The following RAD51B variants were observed in gnomAD, a reference collection of about 807,000 sequenced individuals.
RAD51B encodes the protein RAD51 paralog B.
In RAD51B, 38 loss-of-function variants were observed where a neutral mutation model predicts 42.2. The observed-to-expected ratio is 0.90, with a 90% CI of 0.70 to 1.18. The LOEUF (loss-of-function observed/expected upper bound fraction) is 1.18. RAD51B is among the 50% of genes most tolerant of loss of function. RAD51B has a pLI of 0.00. For missense variants in RAD51B, 373 were observed against 400.7 expected, an observed-to-expected ratio of 0.93 and a Z score of 0.59; for synonymous variants, 154 against 145.2, an observed-to-expected ratio of 1.06 and a Z score of -0.43.
At chr14:68,050,979 T>C (rs937103326) in intron 7 of RAD51B, among the ~76,000 whole-genome samples, 2 of 151,472 alleles carry the variant, frequency 1.3e-5, no homozygotes, top group African/African-American at 4.8e-5. Flanking sequence ...AAGGGAAAAA[T>C]TTGATTGGAT....
Position 67,887,210 on chromosome 14 carries a change from T to C in RAD51B, c.756+6T>C. ...CTGAGGAGTTTTCAATCCCAGTAAG[T>C]TTTTCTTTTTTTCTCTTTTTTCTTT... On this transcript the variant is annotated splice_donor_region_variant and intron_variant, in intron 7 of 10. Transcript: ENST00000471583. The C allele has an allele frequency of 6.3e-7, 1 of 1,589,018 alleles. No individual in the cohort carries two copies. The highest frequency in any genetic ancestry group is 8.6e-7 in the Non-Finnish European group (1 of 1,163,520).
chr14:68,068,603 A>G (rs1181868695), intron 7 of RAD51B, among the ~76,000 whole-genome samples: 1 of 152,178 alleles, frequency 6.6e-6, no homozygotes, highest in South Asian at 2.1e-4. Flanking sequence ...TTATATGGAC[A>G]TGTTTTCAAT....
intron 7 of RAD51B, among the ~76,000 whole-genome samples, chr14:68,087,040 C>A (rs1427754147): frequency 6.6e-6 from 1 of 151,518 alleles, no homozygotes; most frequent in African/African-American, 2.4e-5. Context: ...GAGGCTGAGG[C>A]AGGAGAACCA....
chr14:68,306,555 A>G, intron 8 of RAD51B: 1 of 471,938 alleles, frequency 2.1e-6, no homozygotes, highest in South Asian at 1.6e-5. Context: ...TGAAATTGGT[A>G]TGTGTGACCC....
chr14:68,149,804 C>A lies in RAD51B; in HGVS notation c.757-142080C>A, dbSNP rs565878956. 2.0e-5 allele frequency: 3 copies of A among 152,328 alleles called. No homozygotes were observed. In the East Asian group the frequency reaches 5.8e-4, roughly 29 times the overall value. 9.4% of individuals were successfully genotyped at this position (152,328 alleles called of 1,614,324 possible). Reference sequence around the variant, plus strand: ...TTGATGCTGAACTAAATGTGGACATCCAATTGGCATAGCACACAACAGCCC... The same window carrying A: ...TTGATGCTGAACTAAATGTGGACATACAATTGGCATAGCACACAACAGCCC... On this transcript the variant is annotated intron_variant, in intron 7 of 10. Coordinates refer to ENST00000471583, the MANE Select transcript of RAD51B (RefSeq NM_133510.4).
At chr14:68,490,612 C>G (rs1390036308) in intron 10 of RAD51B, among the ~76,000 whole-genome samples, 1 of 152,216 alleles carries the variant, frequency 6.6e-6, no homozygotes, top group African/African-American at 2.4e-5. Context: ...ATGAAAGCAA[C>G]TAAACTTTGC....
At chr14:68,602,698 C>T (rs867344876) in intron 10 of RAD51B, among the ~76,000 whole-genome samples, 11 of 152,150 alleles carry the variant, frequency 7.2e-5, no homozygotes, top group Non-Finnish European at 1.0e-4. Flanking sequence ...ACCCACGTTG[C>T]GGAAGGTAAT....
chr14:67,835,579 T>TATATGTAATATATACACATATGTC (rs2041213694), intron 4 of RAD51B, among the ~76,000 whole-genome samples: 1 of 75,268 alleles, frequency 1.3e-5, no homozygotes, highest in African/African-American at 4.7e-5. Flanking sequence ...ACATATGTCA[T>TATATGTAATATATACACATATGTC]ATATGTAATA....
intron 8 of RAD51B, among the ~76,000 whole-genome samples, chr14:68,384,953 T>C (rs2083561243): frequency 6.6e-6 from 1 of 152,170 alleles, no homozygotes; most frequent in African/African-American, 2.4e-5. Context: ...CATGACCTTC[T>C]GGGATGAACG....
intron 7 of RAD51B, among the ~76,000 whole-genome samples, chr14:68,220,425 A>T (rs2079901378): frequency 6.6e-6 from 1 of 152,206 alleles, no homozygotes; most frequent in Non-Finnish European, 1.5e-5. Flanking sequence ...TCCCTTTATG[A>T]TTAATACCCT....
At position 68,424,085 on chromosome 14, in the gene RAD51B, G is replaced by C. The variant is rs141649470; in HGVS notation, c.957+12558G>C. Among the ~76,000 whole-genome samples the C allele has an allele frequency of 6.1e-3, 934 of 152,228 alleles. 7 individuals carry two copies. The highest frequency in any genetic ancestry group is 0.021 in the African/African-American group (862 of 41,530). ...TTGCCCACAGTGGGGATGGACCTGTGCTCACCTCTCTCCTCCAGTAAGAAC... is the reference window on the plus strand; with the variant it reads ...TTGCCCACAGTGGGGATGGACCTGTCCTCACCTCTCTCCTCCAGTAAGAAC... On this transcript the variant is annotated intron_variant, in intron 9 of 10. Transcript: ENST00000471583.
At chr14:68,014,643 A>T (rs540844305) in intron 7 of RAD51B, among the ~76,000 whole-genome samples, 1 of 152,102 alleles carries the variant, frequency 6.6e-6, no homozygotes, top group African/African-American at 2.4e-5. Context: ...TTGTATGGTC[A>T]AAACTTGCCA....
chr14:67,905,059 C>G lies in RAD51B; in HGVS notation c.756+17855C>G, dbSNP rs537790548. On this transcript the variant is annotated intron_variant, in intron 7 of 10. Transcript: ENST00000471583. Reference sequence around the variant, plus strand: ...GTAGTTTTAAGTTTTATATTTAAGTCTTTAGGCCATCTTGAGTTGGTTTCT... The same window carrying G: ...GTAGTTTTAAGTTTTATATTTAAGTGTTTAGGCCATCTTGAGTTGGTTTCT... Among the ~76,000 whole-genome samples the G allele has an allele frequency of 4.0e-5, 6 of 151,242 alleles. 1 individual carries two copies. The highest frequency in any genetic ancestry group is 1.5e-4 in the African/African-American group (6 of 41,126).
chr14:68,026,096 A>G lies in RAD51B; in HGVS notation c.756+138892A>G, dbSNP rs546844644. Among the ~76,000 whole-genome samples, 4 of 152,018 alleles carry G rather than the reference A, an allele frequency of 2.6e-5. No homozygotes were observed. The East Asian group carries it at 7.7e-4, about 29-fold the overall frequency. On this transcript the variant is annotated intron_variant, in intron 7 of 10. Coordinates refer to ENST00000471583, the MANE Select transcript of RAD51B (RefSeq NM_133510.4). ...TTTTTTTATTTCTGCCTTAATTTTG[A>G]TGTTCACCCAGGACTTATTCAGGAG...
At chr14:68,395,141 C>T (rs900562633) in intron 8 of RAD51B, among the ~76,000 whole-genome samples, 7 of 152,152 alleles carry the variant, frequency 4.6e-5, no homozygotes, top group South Asian at 4.1e-4. Context: ...TTAAAGCCAG[C>T]GATTCTTCCT....
rs533375477 is a variant in RAD51B at position 68,319,624 on chromosome 14, G to A, written c.853+27644G>A. On this transcript the variant is annotated intron_variant, in intron 8 of 10. Coordinates refer to ENST00000471583, the MANE Select transcript of RAD51B (RefSeq NM_133510.4). ...GAATGGCTCACCTAGGTCTACTGTA[G>A]CTCAGAGTTATACCTTGTAGATCAC... Among the ~76,000 whole-genome samples, 26 of 152,280 alleles carry A rather than the reference G, an allele frequency of 1.7e-4. 1 individual carries two copies. Among genetic ancestry groups the A allele is most frequent in the African/African-American group, 5.8e-4 (24 of 41,560 alleles).
At chr14:68,421,029 G>A (rs1403202942) in intron 9 of RAD51B, among the ~76,000 whole-genome samples, 1 of 152,114 alleles carries the variant, frequency 6.6e-6, no homozygotes, top group Admixed American at 6.6e-5. Context: ...ATGTCATTTG[G>A]TTTACCTGTA....
intron 7 of RAD51B, among the ~76,000 whole-genome samples, chr14:68,072,014 A>G (rs1433136823): frequency 1.5e-5 from 2 of 132,942 alleles, no homozygotes; most frequent in Non-Finnish European, 3.1e-5. Flanking sequence ...GAATTTACCC[A>G]TTTCTTCTAG....
downstream of RAD51B, among the ~76,000 whole-genome samples, chr14:68,614,448 C>A (rs1421738243): frequency 6.6e-6 from 1 of 152,076 alleles, no homozygotes; most frequent in Non-Finnish European, 1.5e-5. Flanking sequence ...CAATTATCAC[C>A]ATTATCTAGT....
Sources: allele counts gnomAD v4.1 joint callset (sites outside exome capture counted in the v4.1 genomes callset), GRCh38; gene constraint gnomAD v4.1.1; transcripts MANE v1.5; gene names NCBI Gene and HGNC (gene_info 2026-07-23, HGNC 2026-07-21).